The following SV2C variants were observed in gnomAD, a reference collection of about 807,000 sequenced individuals.
SV2C encodes solute carrier family 22 member B3.
A neutral mutation model predicts 79.7 loss-of-function variants in SV2C; 49 were observed. That is an observed-to-expected ratio of 0.61 (90% CI 0.49 to 0.78). The LOEUF (loss-of-function observed/expected upper bound fraction) is 0.78. SV2C is among the 30% of genes least tolerant of loss of function. The probability of loss-of-function intolerance (pLI) is 0.00; values close to 1 mark genes in which losing one functional copy is unlikely to be tolerated. For synonymous variants in SV2C, 334 were observed against 333.2 expected (o/e 1.00, Z -0.03); for missense variants, 833 against 912.9 (o/e 0.91, Z 1.13).
At chr5:75,866,473 C>T in the SV2C span, among the ~76,000 whole-genome samples, 10 of 152,276 alleles carry the variant, frequency 6.6e-5, no homozygotes, top group East Asian at 1.4e-3. Context: ...AACGAGGAAA[C>T]TGAAGCTCAA....
the SV2C span, among the ~76,000 whole-genome samples, chr5:76,006,874 A>T: frequency 6.6e-6 from 1 of 152,088 alleles, no homozygotes; most frequent in Non-Finnish European, 1.5e-5. Flanking sequence ...ATTCCTATCT[A>T]TCCAAATTTC....
intron 2 of SV2C, among the ~76,000 whole-genome samples, chr5:76,143,169 C>T (rs1437224433): frequency 6.6e-6 from 1 of 152,148 alleles, no homozygotes; most frequent in Non-Finnish European, 1.5e-5. Context: ...GCTGGGATTA[C>T]AGGTGTGAGC....
At chr5:76,231,735 A>G (rs1415229583) in intron 4 of SV2C, among the ~76,000 whole-genome samples, 3 of 143,478 alleles carry the variant, frequency 2.1e-5, no homozygotes, top group Non-Finnish European at 2.9e-5. Context: ...ATGATTTCCA[A>G]TTTCATCCAT....
chr5:75,899,573 C>T, the SV2C span, among the ~76,000 whole-genome samples: 1 of 152,014 alleles, frequency 6.6e-6, no homozygotes, highest in Non-Finnish European at 1.5e-5. Context: ...CTGTAGATGT[C>T]TATTAGGTCC....
At chr5:76,268,146 A>G (rs1224692026) in intron 4 of SV2C, among the ~76,000 whole-genome samples, 1 of 152,162 alleles carries the variant, frequency 6.6e-6, no homozygotes, top group Admixed American at 6.5e-5. Flanking sequence ...AAGGTTGCAA[A>G]GGATCTTGTA....
chr5:76,285,111 G>C, intron 4 of SV2C, 51 bp from the exon 5 acceptor site: 1 of 1,605,584 alleles, frequency 6.2e-7, no homozygotes, highest in Non-Finnish European at 8.5e-7. Flanking sequence ...ATGTTCCCAG[G>C]AGGCTGTCTG....
In SV2C at chr5:76,330,467, T is replaced by A. The variant is rs1446951530; in HGVS notation, c.*4920T>A. ...ATTGAGACACTGCTGTGTGCAATAA[T>A]TAAGCCTATGGAGGACTTAAATGAG... On this transcript the variant is annotated 3_prime_UTR_variant, in exon 13 of 13. Coordinates refer to ENST00000502798, the MANE Select transcript of SV2C (RefSeq NM_014979.4). The A allele has an allele frequency of 6.6e-6, 1 of 152,090 alleles. No individual in the cohort carries two copies. Among genetic ancestry groups the A allele is most frequent in the East Asian group, 1.9e-4 (1 of 5,190 alleles). 9.4% of individuals were successfully genotyped at this position (152,090 alleles called of 1,614,324 possible). A position where few individuals can be genotyped will look rare whatever the true frequency, so the allele number is the denominator to read the frequency against.
upstream of SV2C, chr5:76,081,838 C>T (rs1747001198): frequency 6.6e-6 from 1 of 152,448 alleles, no homozygotes; most frequent in Admixed American, 6.5e-5. Context: ...AAAGCCCAAG[C>T]TAACAACACC....
intron 4 of SV2C, among the ~76,000 whole-genome samples, chr5:76,241,106 G>A (rs573165964): frequency 2.4e-4 from 36 of 150,970 alleles, no homozygotes; most frequent in Non-Finnish European, 4.6e-4. Context: ...ACAAGCGCAC[G>A]CCACCACACC....
intron 2 of SV2C, among the ~76,000 whole-genome samples, chr5:76,165,577 A>G (rs952574728): frequency 2.0e-5 from 3 of 152,180 alleles, no homozygotes; most frequent in Admixed American, 6.5e-5. Flanking sequence ...TGAGAATGTT[A>G]TAGACATGGA....
intron 4 of SV2C, among the ~76,000 whole-genome samples, chr5:76,279,449 A>G (rs1016545032): frequency 2.6e-5 from 4 of 152,198 alleles, no homozygotes; most frequent in African/African-American, 9.6e-5. Flanking sequence ...AAGGAAACTG[A>G]AGGAAAGCCA....
the SV2C span, among the ~76,000 whole-genome samples, chr5:75,903,466 C>T: frequency 6.7e-3 from 1,015 of 151,970 alleles, 3 homozygotes; most frequent in African/African-American, 9.9e-3. Context: ...AGTCTTTTCA[C>T]ACCAAATTCT....
the SV2C span, among the ~76,000 whole-genome samples, chr5:75,984,605 A>ACC: frequency 2.1e-5 from 3 of 143,210 alleles, no homozygotes; most frequent in Admixed American, 1.4e-4. Flanking sequence ...CTACCTATCT[A>ACC]TCTATCTATC....
At chr5:76,186,495 C>T (rs1383303365) in intron 2 of SV2C, among the ~76,000 whole-genome samples, 1 of 152,162 alleles carries the variant, frequency 6.6e-6, no homozygotes, top group Non-Finnish European at 1.5e-5. Context: ...AGTTCGATCC[C>T]AGCCTGGCCA....
intron 1 of SV2C, among the ~76,000 whole-genome samples, chr5:76,096,491 C>T (rs919624949): frequency 6.6e-6 from 1 of 152,150 alleles, no homozygotes; most frequent in Non-Finnish European, 1.5e-5. Flanking sequence ...CTAGACTGAG[C>T]ATGGCTGGGG....
the SV2C span, among the ~76,000 whole-genome samples, chr5:75,943,674 C>A: frequency 6.6e-6 from 1 of 152,134 alleles, no homozygotes; most frequent in Non-Finnish European, 1.5e-5. Flanking sequence ...AACACTTCAC[C>A]TCTCTTGACT....
the SV2C span, among the ~76,000 whole-genome samples, chr5:76,034,717 G>C: frequency 1.3e-5 from 2 of 151,974 alleles, no homozygotes; most frequent in African/African-American, 2.4e-5. Flanking sequence ...TCTCTTTTTT[G>C]GTTGTGTCTC....
the SV2C span, among the ~76,000 whole-genome samples, chr5:76,016,967 G>A: frequency 6.6e-6 from 1 of 152,146 alleles, no homozygotes; most frequent in South Asian, 2.1e-4. Context: ...ATCTGTGTTT[G>A]TTGTCATAAT....
intron 1 of SV2C, among the ~76,000 whole-genome samples, chr5:76,098,021 T>C (rs780172337): frequency 3.9e-5 from 6 of 152,168 alleles, no homozygotes; most frequent in Non-Finnish European, 7.4e-5. Context: ...CTGAGTTTTT[T>C]ACTGTGCAGC....
Sources: allele counts gnomAD v4.1 joint callset (sites outside exome capture counted in the v4.1 genomes callset), GRCh38; gene constraint gnomAD v4.1.1; transcripts MANE v1.5; gene names NCBI Gene and HGNC (gene_info 2026-07-23, HGNC 2026-07-21).